The following NUDT6 variants were observed in gnomAD, a reference collection of about 807,000 sequenced individuals.
NUDT6 encodes nudix hydrolase 6.
In NUDT6, 24 loss-of-function variants were observed where a neutral mutation model predicts 36.8. That is an observed-to-expected ratio of 0.65 (90% CI 0.47 to 0.92). The LOEUF is 0.92. Ranked by LOEUF, NUDT6 falls within the 40% of genes least tolerant of loss-of-function variation. The pLI is 0.00. For synonymous variants in NUDT6, 163 were observed against 157.0 expected (o/e 1.04, Z -0.29); for missense variants, 388 against 392.8 (o/e 0.99, Z 0.10).
chr4:122,902,065 C>T (rs1034749014), intron 3 of NUDT6, among the ~76,000 whole-genome samples: 1 of 152,004 alleles, frequency 6.6e-6, no homozygotes, highest in Non-Finnish European at 1.5e-5. Flanking sequence ...TTTAATAATC[C>T]TATCGCCTTT....
intron 4 of NUDT6, chr4:122,897,381 C>G (rs1202826678): frequency 2.1e-6 from 1 of 473,988 alleles, no homozygotes; most frequent in Non-Finnish European, 3.8e-6. Flanking sequence ...AATCCAGAAG[C>G]AGTCATAAAC....
intron 4 of NUDT6, chr4:122,894,761 G>A (rs1727299896): frequency 6.6e-6 from 1 of 151,944 alleles, no homozygotes; most frequent in South Asian, 2.1e-4. Context: ...TAATTATGGG[G>A]AAATACATGT....
intron 2 of NUDT6, among the ~76,000 whole-genome samples, chr4:122,914,579 G>A (rs1275564905): frequency 6.6e-6 from 1 of 152,088 alleles, no homozygotes; most frequent in Admixed American, 6.6e-5. Context: ...TCAGGTATAA[G>A]TCACAATAAT....
At chr4:122,920,648 A>G (rs1404308079) in intron 1 of NUDT6, 1 of 152,220 alleles carries the variant, frequency 6.6e-6, no homozygotes, top group Non-Finnish European at 1.5e-5. Flanking sequence ...CAAATCGCAC[A>G]GCTTTCTGCT....
chr4:122,894,936 A>C (rs1727304496), intron 4 of NUDT6: 1 of 152,220 alleles, frequency 6.6e-6, no homozygotes, highest in African/African-American at 2.4e-5. Flanking sequence ...CATGTAGCTC[A>C]TGATCTATGC....
At chr4:122,917,453 G>C in intron 2 of NUDT6, 48 bp downstream of exon 2, 1 of 1,484,538 alleles carries the variant, frequency 6.7e-7, no homozygotes, top group Non-Finnish European at 9.4e-7. Context: ...AAGAAATTGG[G>C]TGAACGTCTA....
At chr4:122,902,525 T>C (rs1238111410) in intron 3 of NUDT6, among the ~76,000 whole-genome samples, 2 of 152,230 alleles carry the variant, frequency 1.3e-5, no homozygotes, top group Non-Finnish European at 2.9e-5. Flanking sequence ...CTCCACCTTA[T>C]ATAATATTCA....
intron 3 of NUDT6, among the ~76,000 whole-genome samples, chr4:122,907,213 G>A (rs1018422021): frequency 1.3e-5 from 2 of 151,852 alleles, no homozygotes; most frequent in African/African-American, 4.8e-5. Flanking sequence ...TTTCGGCAAC[G>A]TCTGCCTCCT....
In NUDT6 at chr4:122,893,235, A is replaced by G. The variant is rs1560762496; in HGVS notation, c.554-10T>C. The G allele has an allele frequency of 3.8e-6, 6 of 1,582,070 alleles. No homozygotes were observed. Among genetic ancestry groups the G allele is most frequent in the Non-Finnish European group, 5.2e-6 (6 of 1,164,774 alleles). The stretch of plus-strand genomic sequence containing the variant: ...CGAACCGCTGTGTCTCCTACGTAAA[A>G]AAAGAGATGTACAAATCAATAATAA... On this transcript the variant is annotated splice_polypyrimidine_tract_variant and intron_variant, in intron 4 of 4. Transcript: ENST00000304430.
intron 2 of NUDT6, among the ~76,000 whole-genome samples, 186 bp downstream of exon 2, chr4:122,917,315 A>C (rs1224881927): frequency 6.6e-6 from 1 of 152,244 alleles, no homozygotes; most frequent in African/African-American, 2.4e-5. Context: ...GTTTGGTACT[A>C]TCTGCGGTTA....
At chr4:122,902,647 T>G (rs1727547217) in intron 3 of NUDT6, among the ~76,000 whole-genome samples, 1 of 152,216 alleles carries the variant, frequency 6.6e-6, no homozygotes, top group African/African-American at 2.4e-5. Flanking sequence ...CAGCAGAGTA[T>G]GTATAAGAAC....
chr4:122,920,848 G>T (rs1324861614), intron 1 of NUDT6: 4 of 152,208 alleles, frequency 2.6e-5, no homozygotes, highest in Non-Finnish European at 5.9e-5. Context: ...ATGTGAAGAG[G>T]TAAGAAGTCT....
At chr4:122,919,829 A>G (rs1426513310) in intron 1 of NUDT6, 4 of 152,102 alleles carry the variant, frequency 2.6e-5, no homozygotes, top group Non-Finnish European at 4.4e-5. Flanking sequence ...TCCATTAGCT[A>G]TTTTTTCCAA....
At chr4:122,920,079 T>C (rs559480274) in intron 1 of NUDT6, 1 of 152,360 alleles carries the variant, frequency 6.6e-6, no homozygotes, top group African/African-American at 2.4e-5. Flanking sequence ...ACATCAATAG[T>C]TCATGTTCTA....
intron 3 of NUDT6, among the ~76,000 whole-genome samples, chr4:122,903,705 G>T (rs980126080): frequency 8.5e-5 from 13 of 152,156 alleles, no homozygotes; most frequent in African/African-American, 2.7e-4. Flanking sequence ...GAAGGGACTA[G>T]CTCCTTAATG....
chr4:122,899,461 T>A (rs544115976), intron 3 of NUDT6, among the ~76,000 whole-genome samples: 2 of 152,236 alleles, frequency 1.3e-5, no homozygotes, highest in Admixed American at 6.5e-5. Context: ...CCACTTAGGT[T>A]TTTAAAATGC....
intron 1 of NUDT6, chr4:122,918,034 C>T (rs148554124): frequency 4.0e-6 from 1 of 250,340 alleles, no homozygotes; most frequent in African/African-American, 2.2e-5. Flanking sequence ...GAATCAAATA[C>T]CATTTGAATG....
chr4:122,904,721 T>A (rs1019633591), intron 3 of NUDT6, among the ~76,000 whole-genome samples: 1 of 152,224 alleles, frequency 6.6e-6, no homozygotes, highest in Non-Finnish European at 1.5e-5. Flanking sequence ...CCCAAAGTGC[T>A]GGGATTACAG....
At chr4:122,893,395 T>C in intron 4 of NUDT6, 170 bp from the exon 5 acceptor site, 1 of 555,460 alleles carries the variant, frequency 1.8e-6, no homozygotes, top group Admixed American at 3.7e-5. Flanking sequence ...AATCCCAAAA[T>C]ATTTTCTTAC....
Sources: allele counts gnomAD v4.1 joint callset (sites outside exome capture counted in the v4.1 genomes callset), GRCh38; gene constraint gnomAD v4.1.1; transcripts MANE v1.5; gene names NCBI Gene and HGNC (gene_info 2026-07-23, HGNC 2026-07-21).